Variants in TIRAP observed in about 807,000 individuals in gnomAD.
TIRAP encodes toll/interleukin-1 receptor domain-containing adapter protein.
A neutral mutation model predicts 19.8 loss-of-function variants in TIRAP; 20 were observed. The ratio of observed to expected loss-of-function variants is 1.01; its 90% CI spans 0.71 to 1.47. The LOEUF (loss-of-function observed/expected upper bound fraction) is 1.47, where lower values mean the gene tolerates loss of function less well. Among genes scored for constraint, TIRAP ranks in the 40% most tolerant of loss-of-function variants. The pLI is 0.00. For missense variants in TIRAP, 276 were observed against 285.1 expected (o/e 0.97, Z 0.23); for synonymous variants, 125 against 121.7 (o/e 1.03, Z -0.18).
intron 4 of TIRAP, 142 bp downstream of exon 4, chr11:126,293,197 C>T (rs1951429957): frequency 2.5e-5 from 37 of 1,477,500 alleles, no homozygotes; most frequent in Middle Eastern, 3.4e-4. Flanking sequence ...ATCCTGGCTC[C>T]TGCACTTATT....
intron 1 of TIRAP, among the ~76,000 whole-genome samples, chr11:126,285,247 A>ATATATATATG (rs1951306936): frequency 3.5e-5 from 2 of 56,518 alleles, no homozygotes; most frequent in Non-Finnish European, 8.8e-5. Context: ...GTGTGTGTAT[A>ATATATATATG]TATATATATA....
Position 126,293,031 on chromosome 11 carries a change from C to CA in TIRAP, c.624dup (p.Val209SerfsTer43). 6.2e-7 allele frequency: 1 copy of CA among 1,614,158 alleles called. No individual in the cohort carries two copies. Among genetic ancestry groups the CA allele is most frequent in the Non-Finnish European group, 8.5e-7 (1 of 1,180,038 alleles). On this transcript the variant is annotated frameshift_variant, in exon 4 of 5. Coordinates refer to ENST00000392679, the MANE Select transcript of TIRAP (RefSeq NM_001318777.2). LOFTEE classifies it high-confidence loss of function. ...CAGGGGCCCTGATGGTGGCTTTCGT[C>CA]AAGTCAAAGAAGCTGTCATGCGTTG... is the stretch of plus-strand genomic sequence containing the variant.
rs566866099 is a variant in TIRAP, at chr11:126,288,950, G to T, written c.-216-1512G>T. ...AGTGACATCATGTTTACTACTGGGG[G>T]CAAAAAGGCATCCTGAACGGCCCTA... is the stretch of plus-strand genomic sequence containing the variant. On this transcript the variant is annotated intron_variant, in intron 1 of 4. Coordinates refer to ENST00000392679, the MANE Select transcript of TIRAP (RefSeq NM_001318777.2). The surrounding 1 kb of genome is among the most constrained non-coding windows in gnomAD (Gnocchi z 5.0). Among the ~76,000 whole-genome samples, 1 of 152,130 alleles carries T rather than the reference G, an allele frequency of 6.6e-6. No homozygotes were observed. The highest frequency in any genetic ancestry group is 1.5e-5 in the Non-Finnish European group (1 of 68,020).
rs1951334143 is a variant in TIRAP at position 126,287,394 on chromosome 11, C to T, written c.-216-3068C>T. 6.6e-6 allele frequency among the ~76,000 whole-genome samples: 1 copy of T among 151,810 alleles called. No homozygotes were observed. Among genetic ancestry groups the T allele is most frequent in the South Asian group, 2.1e-4 (1 of 4,824 alleles). ...GGAGTGCAGTGGCATGATCTCGGCTCACTGCAACCTCCACCTCCCGGGTTC... is the reference window on the plus strand; with the variant it reads ...GGAGTGCAGTGGCATGATCTCGGCTTACTGCAACCTCCACCTCCCGGGTTC... On this transcript the variant is annotated intron_variant, in intron 1 of 4. Transcript: ENST00000392679. This position sits in a 1 kb window ranked among gnomAD's most constrained non-coding sequence, Gnocchi z 4.2.
At chr11:126,283,675 A>C (rs1024892908) in intron 1 of TIRAP, among the ~76,000 whole-genome samples, 2 of 152,224 alleles carry the variant, frequency 1.3e-5, no homozygotes, top group African/African-American at 4.8e-5. Context: ...GCGGTGGACC[A>C]GACAGATCCA....
rs564844467 is a variant in TIRAP, at chr11:126,291,861, G to A, written c.68-616G>A. ...TCTGCTTAAGGTGGGCTGGGCTGGG[G>A]GTACCAGATATCAAAGGGCCTGGAG... On this transcript the variant is annotated intron_variant, in intron 3 of 4. Coordinates refer to ENST00000392679, the MANE Select transcript of TIRAP (RefSeq NM_001318777.2). The surrounding 1 kb of genome is among the most constrained non-coding windows in gnomAD (Gnocchi z 5.6). Among the ~76,000 whole-genome samples the A allele has an allele frequency of 2.6e-5, 4 of 152,054 alleles. No individual in the cohort carries two copies. Among genetic ancestry groups the A allele is most frequent in the Admixed American group, 2.6e-4 (4 of 15,288 alleles).
At chr11:126,285,632 G>T (rs2135283157) in intron 1 of TIRAP, among the ~76,000 whole-genome samples, 1 of 152,006 alleles carries the variant, frequency 6.6e-6, no homozygotes, top group South Asian at 2.1e-4. Flanking sequence ...GTCTTTTGAT[G>T]AACAGAAGTT....
intron 1 of TIRAP, among the ~76,000 whole-genome samples, chr11:126,283,756 G>C (rs1951283528): frequency 6.6e-6 from 1 of 152,158 alleles, no homozygotes; most frequent in African/African-American, 2.4e-5. Flanking sequence ...AACAGAGAGG[G>C]GGAAGTGTGG....
chr11:126,285,587 C>T (rs1951312412), intron 1 of TIRAP, among the ~76,000 whole-genome samples: 1 of 151,570 alleles, frequency 6.6e-6, no homozygotes, highest in African/African-American at 2.4e-5. Context: ...AACATTTTAA[C>T]CCTCGGGAGA....
At chr11:126,289,199 A>G (rs960336622) in intron 1 of TIRAP, among the ~76,000 whole-genome samples, 5 of 152,230 alleles carry the variant, frequency 3.3e-5, no homozygotes, top group Non-Finnish European at 7.3e-5. Context: ...GAACTTTGAT[A>G]TATGATCACA....
At position 126,287,302 on chromosome 11, in the gene TIRAP, A is replaced by C. The variant is rs181553923; in HGVS notation, c.-216-3160A>C. On this transcript the variant is annotated intron_variant, in intron 1 of 4. Transcript: ENST00000392679. This position sits in a 1 kb window ranked among gnomAD's most constrained non-coding sequence, Gnocchi z 4.2. ...ATTGGAGACCAGTTTGATATTGGAT[A>C]CTAAATACACTTTGGATTTTTTTTT... is the stretch of plus-strand genomic sequence containing the variant. Among the ~76,000 whole-genome samples, 1 of 151,732 alleles carries C rather than the reference A, an allele frequency of 6.6e-6. No individual in the cohort carries two copies. The highest frequency in any genetic ancestry group is 1.9e-4 in the East Asian group (1 of 5,164).
rs1037765561 is a variant in TIRAP, at chr11:126,289,612, G to A, written c.-216-850G>A. 12 of 970,238 alleles carry A rather than the reference G, an allele frequency of 1.2e-5. No individual in the cohort carries two copies. The African/African-American group carries it at 1.4e-4, about 11-fold the overall frequency. The allele number at this position is 970,238 out of a possible 1,614,324, so 60.1% of individuals were successfully genotyped here. A position where few individuals can be genotyped will look rare whatever the true frequency, so the allele number is the denominator to read the frequency against. ...AAATTTTGAAACCTTTTATTTTAGT[G>A]TGTCTAATAATACTTGCTTCCATGA... On this transcript the variant is annotated intron_variant, in intron 1 of 4. Coordinates refer to ENST00000392679, the MANE Select transcript of TIRAP (RefSeq NM_001318777.2).
At chr11:126,293,230 C>A in intron 4 of TIRAP, 175 bp downstream of exon 4, 1 of 1,150,466 alleles carries the variant, frequency 8.7e-7, no homozygotes, top group Non-Finnish European at 1.3e-6. Flanking sequence ...GTAACTTGGC[C>A]AAGTTACTCA....
chr11:126,283,472 G>C (rs761814380), intron 1 of TIRAP, among the ~76,000 whole-genome samples: 1 of 152,232 alleles, frequency 6.6e-6, no homozygotes, highest in Non-Finnish European at 1.5e-5. Context: ...GTGCGTTGTG[G>C]ATATCGTTTC....
At chr11:126,285,360 C>A (rs1378292247) in intron 1 of TIRAP, among the ~76,000 whole-genome samples, 3 of 151,702 alleles carry the variant, frequency 2.0e-5, no homozygotes, top group African/African-American at 7.3e-5. Context: ...CTCCCAGGTT[C>A]AAGCGATTCT....
chr11:126,284,776 C>T (rs1054988667), intron 1 of TIRAP, among the ~76,000 whole-genome samples: 11 of 150,794 alleles, frequency 7.3e-5, no homozygotes, highest in African/African-American at 1.5e-4. Context: ...ATCGCTTGAA[C>T]GTGGGAGGCA....
chr11:126,286,521 C>T lies in TIRAP; in HGVS notation c.-217+3368C>T, dbSNP rs141277221. Among the ~76,000 whole-genome samples, 25 of 152,314 alleles carry T rather than the reference C, an allele frequency of 1.6e-4. 1 individual carries two copies. The East Asian group carries it at 4.4e-3, about 27-fold the overall frequency. ...ATTCAGGACTTTAAGTGACATTGTCCTGCAAACCATAATTAATCCTACCCA... is the reference window on the plus strand; with the variant it reads ...ATTCAGGACTTTAAGTGACATTGTCTTGCAAACCATAATTAATCCTACCCA... On this transcript the variant is annotated intron_variant, in intron 1 of 4. Transcript: ENST00000392679.
intron 1 of TIRAP, among the ~76,000 whole-genome samples, chr11:126,285,260 T>TATATATATATATATATATATATATAA (rs773653398): frequency 2.9e-4 from 39 of 135,444 alleles, no homozygotes; most frequent in East Asian, 2.4e-3. Context: ...TATATATATA[T>TATATATATATATATATATATATATAA]AATATATATT....
In TIRAP at chr11:126,292,392, C is replaced by T. The variant is rs145991466; in HGVS notation, c.68-85C>T. On this transcript the variant is annotated intron_variant, in intron 3 of 4. Transcript: ENST00000392679. ...AGGTGGGCTGCAGTCTGTCTGTCCT[C>T]CCTGTGAGGTGGGGCTCCTCCCTGT... 5.8e-5 allele frequency: 86 copies of T among 1,472,060 alleles called. No individual in the cohort carries two copies. The African/African-American group carries it at 9.5e-4, about 16-fold the overall frequency. 91.2% of individuals were successfully genotyped at this position (1,472,060 alleles called of 1,614,324 possible).
Sources: allele counts gnomAD v4.1 joint callset (sites outside exome capture counted in the v4.1 genomes callset), GRCh38; gene constraint gnomAD v4.1.1; non-coding constraint Gnocchi (gnomAD v3.1); transcripts MANE v1.5; gene names NCBI Gene and HGNC (gene_info 2026-07-23, HGNC 2026-07-21).